TTC23L: variants seen among roughly 807,000 people sequenced by gnomAD.
TTC23L encodes the protein tetratricopeptide repeat protein 23-like.
In TTC23L, 42 loss-of-function variants were observed where a neutral mutation model predicts 48.1. That is an observed-to-expected ratio of 0.87 (90% confidence interval 0.68 to 1.13). TTC23L has a LOEUF of 1.13. TTC23L is among the 50% of genes most tolerant of loss of function. The pLI is 0.00. For missense variants in TTC23L, 391 were observed against 421.0 expected (o/e 0.93, Z 0.62); for synonymous variants, 159 against 157.2 (o/e 1.01, Z -0.09).
intron 6 of TTC23L, 146 bp downstream of exon 6, chr5:34,864,708 G>T: frequency 9.9e-7 from 1 of 1,008,130 alleles, no homozygotes; most frequent in East Asian, 2.5e-5. Flanking sequence ...GGATACACTG[G>T]GCATTTTGTG....
the TTC23L span, chr5:34,914,977 A>C: frequency 1.4e-6 from 2 of 1,454,922 alleles, no homozygotes. Flanking sequence ...GGGATTAGAC[A>C]GTAAAACTCC....
chr5:34,852,487 C>T (rs1580429195), intron 4 of TTC23L, among the ~76,000 whole-genome samples: 1 of 152,148 alleles, frequency 6.6e-6, no homozygotes, highest in East Asian at 1.9e-4. Flanking sequence ...TGAGAGACTC[C>T]AGGATGGGTT....
chr5:34,911,345 C>A, the TTC23L span, among the ~76,000 whole-genome samples: 2 of 152,120 alleles, frequency 1.3e-5, no homozygotes, highest in East Asian at 3.9e-4. Flanking sequence ...CATCTAGATG[C>A]CACCACCACC....
the TTC23L span, chr5:34,916,454 GCACTGTA>G: frequency 1.3e-5 from 2 of 152,228 alleles, no homozygotes; most frequent in Non-Finnish European, 2.9e-5. Context: ...AATGTGCCAT[GCACTGTA>G]CCAAGTTAGG....
At chr5:34,920,022 G>T in the TTC23L span, 1 of 477,816 alleles carries the variant, frequency 2.1e-6, no homozygotes, top group East Asian at 3.7e-5. Context: ...TCAATAACTG[G>T]TCTTCCAAAT....
At chr5:34,858,793 T>C (rs978320743) in intron 4 of TTC23L, among the ~76,000 whole-genome samples, 2 of 152,116 alleles carry the variant, frequency 1.3e-5, no homozygotes, top group Middle Eastern at 3.2e-3. Context: ...TCTGGGAAGG[T>C]GAAAGAAGTT....
At chr5:34,841,825 T>G (rs1561115676) in intron 2 of TTC23L, among the ~76,000 whole-genome samples, 1 of 152,230 alleles carries the variant, frequency 6.6e-6, no homozygotes, top group Non-Finnish European at 1.5e-5. Context: ...GTAGAGTCCA[T>G]TCTTTAACCA....
chr5:34,902,929 G>A (rs1471325812), downstream of TTC23L, among the ~76,000 whole-genome samples: 1 of 148,682 alleles, frequency 6.7e-6, no homozygotes, highest in African/African-American at 2.5e-5. Context: ...TTTCACATAC[G>A]TAGTTGAAAA....
At chr5:34,925,347 A>G in the TTC23L span, 7 of 1,613,938 alleles carry the variant, frequency 4.3e-6, no homozygotes, top group East Asian at 2.2e-5. Flanking sequence ...CCCACTGCAG[A>G]TGTTTTTGTA....
At chr5:34,918,165 C>A in the TTC23L span, 5 of 322,142 alleles carry the variant, frequency 1.6e-5, no homozygotes, top group East Asian at 5.1e-5. Context: ...AAAAAACTAG[C>A]TGGACATGGT....
chr5:34,925,533 A>G, the TTC23L span: 2 of 1,560,938 alleles, frequency 1.3e-6, no homozygotes, highest in African/African-American at 2.8e-5. Context: ...GTTACTTTAT[A>G]TTTATTTTGT....
At chr5:34,909,013 A>G in the TTC23L span, 1 of 1,346,086 alleles carries the variant, frequency 7.4e-7, no homozygotes, top group South Asian at 1.3e-5. Context: ...ACTCCCAAGT[A>G]AAGGATAAAA....
chr5:34,853,627 A>G (rs180841416), intron 4 of TTC23L, among the ~76,000 whole-genome samples: 1 of 152,328 alleles, frequency 6.6e-6, no homozygotes, highest in East Asian at 1.9e-4. Flanking sequence ...CAAAGAAAAT[A>G]GAAGACTCAG....
chr5:34,877,445 CAG>C (rs1349633124), intron 8 of TTC23L, among the ~76,000 whole-genome samples: 3 of 146,172 alleles, frequency 2.1e-5, no homozygotes, highest in Non-Finnish European at 4.5e-5. Context: ...TTTTTTGAGA[CAG>C]AGTTTCGCTT....
intron 8 of TTC23L, among the ~76,000 whole-genome samples, chr5:34,875,474 T>A (rs1561145297): frequency 6.6e-6 from 1 of 152,046 alleles, no homozygotes; most frequent in Non-Finnish European, 1.5e-5. Flanking sequence ...AGGAGAAAAA[T>A]GTAGGCTGGG....
the TTC23L span, chr5:34,911,711 G>A: frequency 4.3e-6 from 7 of 1,614,016 alleles, no homozygotes; most frequent in Non-Finnish European, 5.9e-6. Context: ...TCAGGTTCCT[G>A]TGTATTGATT....
rs1160412321 is a variant in TTC23L, at chr5:34,839,742, G to A, written c.-8+483G>A. On this transcript the variant is annotated intron_variant, in intron 1 of 10. Coordinates refer to ENST00000505624, the Ensembl canonical transcript of TTC23L. ...CTTGGTGGATGTTAACATTCAATAA[G>A]TAACTGCGTTCGATTTGGGTTTGAT... The A allele has an allele frequency of 6.4e-6, 5 of 776,562 alleles. No homozygotes were observed. The South Asian group carries it at 1.8e-4, about 27-fold the overall frequency. 48.1% of individuals were successfully genotyped at this position (776,562 alleles called of 1,614,324 possible).
At chr5:34,857,017 A>C (rs1213608499) in intron 4 of TTC23L, among the ~76,000 whole-genome samples, 2 of 152,200 alleles carry the variant, frequency 1.3e-5, no homozygotes, top group African/African-American at 4.8e-5. Context: ...GAGAGGGTTT[A>C]AAGATGTTTT....
intron 4 of TTC23L, among the ~76,000 whole-genome samples, chr5:34,851,061 A>G (rs191889523): frequency 6.6e-6 from 1 of 152,268 alleles, no homozygotes; most frequent in East Asian, 1.9e-4. Context: ...TATGCTTTAA[A>G]TGCTTCTTCC....
Sources: gnomAD v4.1 joint callset for allele counts (sites outside exome capture counted in the v4.1 genomes callset) on GRCh38, gnomAD v4.1.1 for gene constraint, MANE v1.5 for transcripts, NCBI Gene and HGNC (gene_info 2026-07-23, HGNC 2026-07-21) for gene names.